Variants in CACNA2D1 observed in about 807,000 individuals in gnomAD.
The protein encoded by CACNA2D1 is voltage-dependent calcium channel subunit alpha-2/delta-1.
A neutral mutation model predicts 171.5 loss-of-function variants in CACNA2D1; 53 were observed. The observed-to-expected ratio is 0.31, with a 90% CI of 0.25 to 0.39. The LOEUF is 0.39. Ranked by LOEUF, CACNA2D1 falls within the 10% of genes least tolerant of loss-of-function variation. The probability of loss-of-function intolerance (pLI) is 1.00; values close to 1 mark genes in which losing one functional copy is unlikely to be tolerated. For missense variants in CACNA2D1, 903 were observed against 1,299.8 expected (o/e 0.69, Z 4.69); for synonymous variants, 442 against 443.1 (o/e 1.00, Z 0.03).
intron 2 of CACNA2D1, chr7:82,343,060 T>A (rs1585578211): frequency 6.6e-6 from 1 of 152,180 alleles, no homozygotes; most frequent in Non-Finnish European, 1.5e-5. Flanking sequence ...ATACCACATA[T>A]ACACACATAT....
chr7:82,070,299 G>A (rs960107216), intron 7 of CACNA2D1, among the ~76,000 whole-genome samples: 8 of 152,244 alleles, frequency 5.3e-5, no homozygotes, highest in East Asian at 1.9e-4. Context: ...ATCTGCTCCC[G>A]AATAAAACTT....
At chr7:82,288,485 AAG>A (rs2129390988) in intron 3 of CACNA2D1, among the ~76,000 whole-genome samples, 1 of 151,666 alleles carries the variant, frequency 6.6e-6, no homozygotes, top group African/African-American at 2.4e-5. Context: ...TCTTTTAACA[AAG>A]AGTTATTGAA....
intron 4 of CACNA2D1, among the ~76,000 whole-genome samples, chr7:82,169,477 A>G (rs1795801049): frequency 6.6e-6 from 1 of 152,094 alleles, no homozygotes; most frequent in Non-Finnish European, 1.5e-5. Flanking sequence ...AACAGTAAAA[A>G]TAAATAATAT....
intron 1 of CACNA2D1, among the ~76,000 whole-genome samples, chr7:82,422,235 T>C (rs866358843): frequency 3.9e-5 from 6 of 152,174 alleles, no homozygotes; most frequent in African/African-American, 1.4e-4. Context: ...CACCAAGGTG[T>C]TGGACAATTT....
At chr7:82,391,624 T>C (rs531093377) in intron 1 of CACNA2D1, among the ~76,000 whole-genome samples, 59 of 152,330 alleles carry the variant, frequency 3.9e-4, no homozygotes, top group Admixed American at 6.5e-4. Flanking sequence ...TTTGTTTCTT[T>C]GCACAGATTC....
chr7:82,341,948 G>A (rs985030088), intron 2 of CACNA2D1, among the ~76,000 whole-genome samples: 9 of 151,152 alleles, frequency 6.0e-5, no homozygotes, highest in African/African-American at 1.9e-4. Context: ...CAGCTATCTG[G>A]GAGGCTGAGG....
At chr7:82,122,542 C>G (rs984030651) in intron 5 of CACNA2D1, among the ~76,000 whole-genome samples, 2 of 152,114 alleles carry the variant, frequency 1.3e-5, no homozygotes, top group African/African-American at 4.8e-5. Context: ...GAGTTGGAGG[C>G]TGATTTAAAT....
At chr7:82,305,948 G>A (rs1813679452) in intron 3 of CACNA2D1, among the ~76,000 whole-genome samples, 2 of 152,086 alleles carry the variant, frequency 1.3e-5, no homozygotes, top group African/African-American at 4.8e-5. Flanking sequence ...TCTATCTGTG[G>A]AATCCAATTG....
intron 3 of CACNA2D1, among the ~76,000 whole-genome samples, chr7:82,246,770 G>C (rs997972005): frequency 6.6e-6 from 1 of 152,140 alleles, no homozygotes; most frequent in Non-Finnish European, 1.5e-5. Flanking sequence ...AACTATATTT[G>C]GCTGATGATA....
chr7:82,242,807 TC>T (rs1804469235), intron 3 of CACNA2D1, among the ~76,000 whole-genome samples: 1 of 60,520 alleles, frequency 1.7e-5, no homozygotes, highest in South Asian at 4.1e-4. Context: ...TGAGTCAGAC[TC>T]AATACTGAAT....
At chr7:82,110,981 C>T (rs186445518) in intron 6 of CACNA2D1, among the ~76,000 whole-genome samples, 10 of 152,108 alleles carry the variant, frequency 6.6e-5, no homozygotes, top group Non-Finnish European at 1.2e-4. Flanking sequence ...GAATTTTGAC[C>T]ATTTAGTCAG....
At position 82,371,898 on chromosome 7, in the gene CACNA2D1, C is replaced by T. The variant is rs115692209; in HGVS notation, c.96-22249G>A. On this transcript the variant is annotated intron_variant, in intron 1 of 38. Coordinates refer to ENST00000356860, the MANE Select transcript of CACNA2D1 (RefSeq NM_000722.4). Reference sequence around the variant, plus strand: ...TTCTTTTAAGAACCAATAATTATTTCCATTAGAACAGCTGTGCTCTTGATA... The same window carrying T: ...TTCTTTTAAGAACCAATAATTATTTTCATTAGAACAGCTGTGCTCTTGATA... Among the ~76,000 whole-genome samples the T allele has an allele frequency of 7.1e-3, 1,087 of 152,174 alleles. 17 individuals carry two copies. The highest frequency in any genetic ancestry group is 0.024 in the African/African-American group (1,007 of 41,516).
chr7:81,955,982 T>A (rs10259323), intron 38 of CACNA2D1, among the ~76,000 whole-genome samples: 650 of 20,124 alleles, frequency 0.032, no homozygotes, highest in African/African-American at 0.083. Context: ...ATATATATAT[T>A]TTTTTTTTTT....
chr7:82,196,834 T>C (rs1798903131), intron 3 of CACNA2D1, among the ~76,000 whole-genome samples: 1 of 151,632 alleles, frequency 6.6e-6, no homozygotes, highest in Admixed American at 6.6e-5. Context: ...TTTTTATATA[T>C]GTGAATAGAG....
At chr7:82,302,472 G>A (rs997845731) in intron 3 of CACNA2D1, among the ~76,000 whole-genome samples, 3 of 149,378 alleles carry the variant, frequency 2.0e-5, no homozygotes, top group Non-Finnish European at 4.4e-5. Context: ...GTGCAATGGT[G>A]CAATCTCGGT....
chr7:82,318,768 TA>T (rs1422278747), intron 3 of CACNA2D1, among the ~76,000 whole-genome samples: 1 of 152,172 alleles, frequency 6.6e-6, no homozygotes, highest in Non-Finnish European at 1.5e-5. Context: ...ATAATATACT[TA>T]AAACTTTTTC....
chr7:82,366,848 A>T (rs1821779056), intron 1 of CACNA2D1, among the ~76,000 whole-genome samples: 1 of 150,240 alleles, frequency 6.7e-6, no homozygotes. Flanking sequence ...TCCCACCAAT[A>T]ATGTATAAGT....
At chr7:82,192,145 T>C (rs1798360848) in intron 3 of CACNA2D1, among the ~76,000 whole-genome samples, 1 of 151,190 alleles carries the variant, frequency 6.6e-6, no homozygotes, top group Admixed American at 6.6e-5. Context: ...TCAAATTTAA[T>C]GTAAAGAAAC....
chr7:82,393,880 A>AC (rs1825482547), intron 1 of CACNA2D1, among the ~76,000 whole-genome samples: 1 of 152,224 alleles, frequency 6.6e-6, no homozygotes, highest in Non-Finnish European at 1.5e-5. Flanking sequence ...ATAAACAGAC[A>AC]CCTCATAGAC....
Sources: gnomAD v4.1 joint callset for allele counts (sites outside exome capture counted in the v4.1 genomes callset) on GRCh38, gnomAD v4.1.1 for gene constraint, MANE v1.5 for transcripts, NCBI Gene and HGNC (gene_info 2026-07-23, HGNC 2026-07-21) for gene names.